Variants in GALNT12 observed in about 807,000 individuals in gnomAD.
The protein encoded by GALNT12 is UDP-GalNAc:polypeptide N-acetylgalactosaminyltransferase 12.
Under a neutral mutation model 55.5 loss-of-function variants are expected in GALNT12, and 45 were observed. The ratio of observed to expected loss-of-function variants is 0.81; its 90% CI spans 0.64 to 1.04. GALNT12 has a LOEUF of 1.04. GALNT12 is among the 50% of genes least tolerant of loss of function. GALNT12 has a pLI of 0.00. For missense variants in GALNT12, 709 were observed against 754.8 expected, an observed-to-expected ratio of 0.94 and a Z score of 0.71; for synonymous variants, 304 against 312.2, an observed-to-expected ratio of 0.97 and a Z score of 0.28.
chr9:98,832,026 G>T, intron 4 of GALNT12, 69 bp downstream of exon 4: 1 of 1,359,070 alleles, frequency 7.4e-7, no homozygotes, highest in Non-Finnish European at 1.0e-6. Context: ...ACCTGTGAGC[G>T]GAGGCCCTCG....
chr9:98,836,226 T>A (rs1337818060), intron 5 of GALNT12, among the ~76,000 whole-genome samples: 1 of 152,224 alleles, frequency 6.6e-6, no homozygotes, highest in African/African-American at 2.4e-5. Flanking sequence ...TTCAGTAGAT[T>A]TTCCAGTTAA....
intron 3 of GALNT12, among the ~76,000 whole-genome samples, chr9:98,829,876 G>A (rs1835952231): frequency 6.6e-6 from 1 of 152,180 alleles, no homozygotes; most frequent in Non-Finnish European, 1.5e-5. Flanking sequence ...TTCATCTGTT[G>A]ATGGACACTT....
chr9:98,844,251 T>G, intron 8 of GALNT12, 42 bp downstream of exon 8: 1 of 1,284,052 alleles, frequency 7.8e-7, no homozygotes, highest in Non-Finnish European at 1.1e-6. Flanking sequence ...GTGTGTTTTG[T>G]TAAAAAAATT....
At chr9:98,825,743 G>C (rs981701587) in intron 2 of GALNT12, among the ~76,000 whole-genome samples, 4 of 152,162 alleles carry the variant, frequency 2.6e-5, no homozygotes, top group Non-Finnish European at 5.9e-5. Context: ...GGGAGGCCAA[G>C]GTGGGAGGAT....
At chr9:98,845,912 G>A in intron 8 of GALNT12, 65 bp from the exon 9 acceptor site, 2 of 1,570,436 alleles carry the variant, frequency 1.3e-6, no homozygotes, top group Admixed American at 3.6e-5. Flanking sequence ...TTCTTGTCCA[G>A]CGATCTTTCC....
chr9:98,815,408 A>C (rs1022796), intron 1 of GALNT12, among the ~76,000 whole-genome samples: 98,277 of 152,052 alleles, frequency 0.65, 32,398 homozygotes, highest in African/African-American at 0.76. Context: ...TGTGGTGTTC[A>C]GTAGGTTAGG....
At chr9:98,836,433 G>A (rs946967311) in intron 5 of GALNT12, among the ~76,000 whole-genome samples, 4 of 152,168 alleles carry the variant, frequency 2.6e-5, no homozygotes, top group Non-Finnish European at 5.9e-5. Context: ...CCATCTTTGG[G>A]AAAATGAGAT....
At chr9:98,824,823 A>G (rs1238839553) in intron 2 of GALNT12, among the ~76,000 whole-genome samples, 2 of 152,164 alleles carry the variant, frequency 1.3e-5, no homozygotes, top group Non-Finnish European at 2.9e-5. Context: ...CATGTATAGG[A>G]CAGAACCTCA....
chr9:98,828,229 T>C (rs1835906537), intron 3 of GALNT12, among the ~76,000 whole-genome samples: 1 of 152,176 alleles, frequency 6.6e-6, no homozygotes, highest in Admixed American at 6.5e-5. Flanking sequence ...CCTTCCTGGG[T>C]GTGACCCAGC....
intron 4 of GALNT12, among the ~76,000 whole-genome samples, chr9:98,833,778 T>C (rs1056586212): frequency 2.0e-5 from 3 of 152,010 alleles, no homozygotes; most frequent in Non-Finnish European, 1.5e-5. Flanking sequence ...AGCAGGAGGC[T>C]CTAATCTAGG....
Position 98,840,002 on chromosome 9 carries a change from G to T in GALNT12, c.1213G>T (p.Glu405Ter). The change falls in exon 7 of 10, where the codon GAA becomes TAA. Residue 405 changes from glutamate to a stop codon, truncating the protein, a stop_gained and splice_region_variant. Transcript: ENST00000375011. LOFTEE classifies it high-confidence loss of function. ...TCTCACTGTTTTGTTGTTTTCTCAG[G>T]AACCTTTTGGGGATGTGACAGAGAG... is the stretch of plus-strand genomic sequence containing the variant. Reference protein sequence around the residue: ...YYHRNPRARLEPFGDVTERKQ... With the variant: ...YYHRNPRARL The T allele has an allele frequency of 6.2e-7, 1 of 1,614,068 alleles. No homozygotes were observed. Among genetic ancestry groups the T allele is most frequent in the Non-Finnish European group, 8.5e-7 (1 of 1,179,966 alleles).
Position 98,837,124 on chromosome 9 carries a change from C to T in GALNT12, c.1188C>T (p.Tyr396=), listed in dbSNP as rs2118452045. The T allele has an allele frequency of 6.2e-7, 1 of 1,614,174 alleles. No individual in the cohort carries two copies. Among genetic ancestry groups the T allele is most frequent in the South Asian group, 1.1e-5 (1 of 91,086 alleles). The change falls in exon 6 of 10, where the codon TAC becomes TAT. Residue 396 remains tyrosine (Y), a synonymous_variant. Coordinates refer to ENST00000375011, the MANE Select transcript of GALNT12 (RefSeq NM_024642.5). ...TGGATGAATTTAAAGAGCTCTACTA[C>T]CATCGCAACCCCCGTGCCCGCTTGG... ...VWMDEFKELY[Y]HRNPRARLEP... is the part of the protein sequence containing the mutation.
At chr9:98,819,588 C>T (rs767680712) in intron 1 of GALNT12, among the ~76,000 whole-genome samples, 2 of 152,172 alleles carry the variant, frequency 1.3e-5, no homozygotes, top group Non-Finnish European at 2.9e-5. Flanking sequence ...CCAGTGACAG[C>T]AGAGCAAGGC....
chr9:98,808,125 C>G, intron 1 of GALNT12, 56 bp downstream of exon 1: 2 of 1,435,258 alleles, frequency 1.4e-6, no homozygotes, highest in Non-Finnish European at 1.9e-6. Context: ...GCCTCAGTTT[C>G]TCCATCAGAG....
rs1237276038 is a variant in GALNT12 at position 98,849,368 on chromosome 9, T to A, written c.*276T>A. On this transcript the variant is annotated 3_prime_UTR_variant, in exon 10 of 10. Transcript: ENST00000375011. ...CCTTGGTATTTAGAAAATTAAAACC[T>A]TATAATATTTTTCTATCAAGATGTA... 1 of 572,132 alleles carries A rather than the reference T, an allele frequency of 1.7e-6. No individual in the cohort carries two copies. Among genetic ancestry groups the A allele is most frequent in the Non-Finnish European group, 3.1e-6 (1 of 325,210 alleles). 35.4% of individuals were successfully genotyped at this position (572,132 alleles called of 1,614,324 possible).
chr9:98,846,060 T>C lies in GALNT12; in HGVS notation c.1542T>C (p.Asp514=). The change falls in exon 9 of 10, where the codon GAT becomes GAC. Residue 514 remains aspartate (D), a synonymous_variant. Transcript: ENST00000375011. The stretch of plus-strand genomic sequence containing the variant: ...GCATTGCTGTGGAAGCAGGAATGGA[T>C]ACCCTTATCATGCATCTCTGCGAAG... ...EGCIAVEAGM[D]TLIMHLCEET... The C allele has an allele frequency of 1.2e-6, 2 of 1,614,150 alleles. No homozygotes were observed.
At chr9:98,813,234 A>G (rs1223503841) in intron 1 of GALNT12, among the ~76,000 whole-genome samples, 4 of 152,220 alleles carry the variant, frequency 2.6e-5, no homozygotes, top group Non-Finnish European at 5.9e-5. Context: ...ATATAATTCT[A>G]CATTGGTAGT....
chr9:98,822,797 A>G (rs1273709821), intron 1 of GALNT12, among the ~76,000 whole-genome samples: 2 of 152,130 alleles, frequency 1.3e-5, no homozygotes, highest in Non-Finnish European at 2.9e-5. Flanking sequence ...CAACTGCCCA[A>G]GATACGTGGT....
chr9:98,841,795 C>T (rs1286347467), intron 7 of GALNT12, among the ~76,000 whole-genome samples: 5 of 151,932 alleles, frequency 3.3e-5, no homozygotes, highest in Non-Finnish European at 5.9e-5. Flanking sequence ...CTCAGCCTCC[C>T]GAGTAGCTGG....
Sources: gnomAD v4.1 joint callset for allele counts (sites outside exome capture counted in the v4.1 genomes callset) on GRCh38, gnomAD v4.1.1 for gene constraint, MANE v1.5 for transcripts, NCBI Gene and HGNC (gene_info 2026-07-23, HGNC 2026-07-21) for gene names.